The following KLHL20 variants were observed in gnomAD, a reference collection of about 807,000 sequenced individuals.
The protein encoded by KLHL20 is kelch-like protein 20.
Under a neutral mutation model 69.5 loss-of-function variants are expected in KLHL20, and 29 were observed. The ratio of observed to expected loss-of-function variants is 0.42; its 90% confidence interval spans 0.31 to 0.57. KLHL20 has a LOEUF of 0.57. KLHL20 is among the 20% of genes least tolerant of loss of function. The pLI, the probability that KLHL20 is intolerant of heterozygous loss-of-function variation, is 0.18. For synonymous variants in KLHL20, 253 were observed against 265.2 expected (o/e 0.95, Z 0.45); for missense variants, 419 against 776.0 (o/e 0.54, Z 5.47).
In KLHL20 at chr1:173,786,104, A is replaced by G. The variant is rs750055505; in HGVS notation, c.*857A>G. 4 of 152,408 alleles carry G rather than the reference A, an allele frequency of 2.6e-5. No homozygotes were observed. The highest frequency in any genetic ancestry group is 5.9e-5 in the Non-Finnish European group (4 of 68,030). The allele number at this position is 152,408 out of a possible 1,614,324, so 9.4% of individuals were successfully genotyped here. A position where few individuals can be genotyped will look rare whatever the true frequency, so the allele number is the denominator to read the frequency against. On this transcript the variant is annotated 3_prime_UTR_variant, in exon 12 of 12. Coordinates refer to ENST00000209884, the MANE Select transcript of KLHL20 (RefSeq NM_014458.4). ...TCCTGTTTCCTTATTGCTACCAAGG[A>G]CCAGCAGGGAGAAATGTCTTCTCCC... is the stretch of plus-strand genomic sequence containing the variant.
chr1:173,773,970 G>A lies in KLHL20; in HGVS notation c.1296-335G>A, dbSNP rs188472122. ...GGAGCTTGCAGTGAGCTGAGATCAC[G>A]CCACTTGCACTCCAGCCTGGGCGAC... On this transcript the variant is annotated intron_variant, in intron 8 of 11. Transcript: ENST00000209884. Among the ~76,000 whole-genome samples the A allele has an allele frequency of 1.9e-4, 27 of 140,740 alleles. No homozygotes were observed. The East Asian group carries it at 4.7e-3, about 24-fold the overall frequency. The allele number at this position is 140,740 out of a possible 152,430, so 92.3% of individuals were successfully genotyped here. A position where few individuals can be genotyped will look rare whatever the true frequency, so the allele number is the denominator to read the frequency against.
intron 3 of KLHL20, among the ~76,000 whole-genome samples, chr1:173,745,114 A>G (rs1051322063): frequency 2.7e-5 from 4 of 146,196 alleles, no homozygotes; most frequent in African/African-American, 1.0e-4. Flanking sequence ...GTATTTTTGT[A>G]TCTCTTGGGA....
chr1:173,782,253 A>G (rs1481752759), intron 11 of KLHL20, 23 bp downstream of exon 11: 1 of 1,531,856 alleles, frequency 6.5e-7, no homozygotes, highest in South Asian at 1.1e-5. Context: ...CTGTGTAGCA[A>G]ATCACCTCAC....
chr1:173,727,885 A>G (rs139392152), intron 2 of KLHL20, among the ~76,000 whole-genome samples: 5,048 of 152,292 alleles, frequency 0.033, 276 homozygotes, highest in African/African-American at 0.11. Context: ...GACAGGATCA[A>G]ATCCACACAT....
chr1:173,751,859 G>A lies in KLHL20; in HGVS notation c.693G>A (p.Val231=). 6.2e-7 allele frequency: 1 copy of A among 1,613,994 alleles called. No individual in the cohort carries two copies. Among genetic ancestry groups the A allele is most frequent in the Non-Finnish European group, 8.5e-7 (1 of 1,179,886 alleles). Residue 231 remains valine (V), a synonymous_variant, in exon 4 of 12, where the codon GTG becomes GTA. Transcript: ENST00000209884. ...TAAACGTTCGCAGTGAAGAACAAGT[G>A]TTCAATGCAGTGATGGCCTGGGTCA... ...DELNVRSEEQ[V]FNAVMAWVKY... is the part of the protein sequence containing the mutation.
intron 8 of KLHL20, among the ~76,000 whole-genome samples, chr1:173,770,337 ATAAT>A (rs1648003366): frequency 6.6e-6 from 1 of 152,236 alleles, no homozygotes; most frequent in Non-Finnish European, 1.5e-5. Flanking sequence ...AGATTAAAGG[ATAAT>A]AAGCAAAACA....
At chr1:173,784,352 T>A (rs1180007340) in intron 11 of KLHL20, among the ~76,000 whole-genome samples, 1 of 152,364 alleles carries the variant, frequency 6.6e-6, no homozygotes, top group Non-Finnish European at 1.5e-5. Context: ...TTCTTCCATA[T>A]ACAGCTTTCT....
chr1:173,735,936 CTTTTTTTT>C (rs769632286), intron 3 of KLHL20, among the ~76,000 whole-genome samples: 5 of 105,980 alleles, frequency 4.7e-5, no homozygotes, highest in African/African-American at 1.9e-4. Context: ...GCCATTCTAT[CTTTTTTTT>C]TTTTTTTTTT....
At chr1:173,770,291 G>T (rs957836199) in intron 8 of KLHL20, among the ~76,000 whole-genome samples, 1 of 152,090 alleles carries the variant, frequency 6.6e-6, no homozygotes, top group Non-Finnish European at 1.5e-5. Flanking sequence ...ACTCAGAAAT[G>T]TATTAGAAAT....
At position 173,775,817 on chromosome 1, in the gene KLHL20, T is replaced by G; in HGVS notation, c.1613T>G (p.Val538Gly). 1 of 1,614,170 alleles carries G rather than the reference T, an allele frequency of 6.2e-7. No homozygotes were observed. ...AGAACCAACCAGTGGTCTCCAGTGG[T>G]GGCCATGACATCACGCCGTAGTGGA... ...NPRTNQWSPVVAMTSRRSGVG... is the reference protein window; with the variant it reads ...NPRTNQWSPVGAMTSRRSGVG... The change falls in exon 10 of 12, where the codon GTG becomes GGG. Residue 538 changes from valine (V) to glycine (G), a missense_variant. Val to Gly is a moderately radical substitution (Grantham distance 109). Coordinates refer to ENST00000209884, the MANE Select transcript of KLHL20 (RefSeq NM_014458.4).
At chr1:173,743,910 A>G (rs1421877098) in intron 3 of KLHL20, among the ~76,000 whole-genome samples, 2 of 152,210 alleles carry the variant, frequency 1.3e-5, no homozygotes, top group Admixed American at 1.3e-4. Flanking sequence ...ATCAGTCTCC[A>G]ATGTTTGAGC....
intron 7 of KLHL20, among the ~76,000 whole-genome samples, chr1:173,765,945 T>G (rs1375495168): frequency 6.6e-6 from 1 of 152,080 alleles, no homozygotes; most frequent in Non-Finnish European, 1.5e-5. Context: ...ATATTCTGAT[T>G]TTTTTAAAGA....
chr1:173,745,170 C>CTTTTTTTTTTTTTTTTTTTTTTTTTTTT (rs796578983), intron 3 of KLHL20, among the ~76,000 whole-genome samples: 1 of 115,534 alleles, frequency 8.7e-6, no homozygotes. Flanking sequence ...TTTCTTTTTT[C>CTTTTTTTTTTTTTTTTTTTTTTTTTTTT]TTTTTTTTTT....
At chr1:173,731,545 T>C (rs1172149149) in intron 2 of KLHL20, among the ~76,000 whole-genome samples, 1 of 152,004 alleles carries the variant, frequency 6.6e-6, no homozygotes, top group Non-Finnish European at 1.5e-5. Context: ...CCATAAAAAA[T>C]GATGATTTCA....
intron 8 of KLHL20, among the ~76,000 whole-genome samples, chr1:173,770,468 C>T (rs549839021): frequency 3.9e-5 from 6 of 152,054 alleles, no homozygotes; most frequent in South Asian, 2.1e-4. Context: ...GAGGCCGAGG[C>T]GGGTGGAGCA....
At chr1:173,741,923 A>G (rs1672825337) in intron 3 of KLHL20, 6 of 1,069,952 alleles carry the variant, frequency 5.6e-6, no homozygotes, top group Non-Finnish European at 8.4e-6. Context: ...AGATGAAAGC[A>G]GCACTAAAAG....
At chr1:173,754,584 C>CAAAAAAAA (rs576521460) in intron 5 of KLHL20, among the ~76,000 whole-genome samples, 1 of 60,592 alleles carries the variant, frequency 1.7e-5, no homozygotes, top group African/African-American at 4.5e-5. Context: ...AACTCAGTCT[C>CAAAAAAAA]AAAAAAAAAA....
chr1:173,749,640 A>G (rs923509573), intron 3 of KLHL20, among the ~76,000 whole-genome samples: 1 of 152,158 alleles, frequency 6.6e-6, no homozygotes, highest in Non-Finnish European at 1.5e-5. Context: ...TTCTCACCCA[A>G]ATTTTCATAT....
chr1:173,774,510 G>C, intron 9 of KLHL20, 72 bp downstream of exon 9: 1 of 1,531,384 alleles, frequency 6.5e-7, no homozygotes, highest in Non-Finnish European at 9.0e-7. Context: ...CCTACAAAAC[G>C]TGTAGAAACT....
Sources: gnomAD v4.1 joint callset for allele counts (sites outside exome capture counted in the v4.1 genomes callset) on GRCh38, gnomAD v4.1.1 for gene constraint, MANE v1.5 for transcripts, NCBI Gene and HGNC (gene_info 2026-07-23, HGNC 2026-07-21) for gene names.